Variants in DSCAM observed in about 807,000 individuals in gnomAD.
DSCAM encodes the protein cell adhesion molecule DSCAM.
Under a neutral mutation model 217.7 loss-of-function variants are expected in DSCAM, and 47 were observed. That is an observed-to-expected ratio of 0.22 (90% CI 0.17 to 0.28). The LOEUF is 0.28. Among genes scored for constraint, DSCAM ranks in the 10% least tolerant of loss-of-function variants. The probability of loss-of-function intolerance (pLI) is 1.00; values close to 1 mark genes in which losing one functional copy is unlikely to be tolerated. For missense variants in DSCAM, 2,080 were observed against 2,618.3 expected, an observed-to-expected ratio of 0.79 and a Z score of 4.49; for synonymous variants, 1,056 against 1,015.3, an observed-to-expected ratio of 1.04 and a Z score of -0.76.
chr21:40,369,254 G>A lies in DSCAM; in HGVS notation c.509-9C>T. On this transcript the variant is annotated splice_polypyrimidine_tract_variant and intron_variant, in intron 3 of 32. Coordinates refer to ENST00000400454, the MANE Select transcript of DSCAM (RefSeq NM_001389.5). ...GATGAGAAATCTAGATCCTGAAATAGAGGAAAACAGTGGCTTGGTTAAAAG... is the reference window on the plus strand; with the variant it reads ...GATGAGAAATCTAGATCCTGAAATAAAGGAAAACAGTGGCTTGGTTAAAAG... The A allele has an allele frequency of 1.2e-6, 2 of 1,605,170 alleles. No homozygotes were observed. The highest frequency in any genetic ancestry group is 1.7e-6 in the Non-Finnish European group (2 of 1,176,292).
At chr21:40,064,781 G>T (rs1017923439) in intron 27 of DSCAM, among the ~76,000 whole-genome samples, 1 of 152,162 alleles carries the variant, frequency 6.6e-6, no homozygotes, top group Non-Finnish European at 1.5e-5. Flanking sequence ...CCAGGATGGT[G>T]GTCTGGTGCA....
chr21:40,347,373 A>T (rs1203663076), intron 6 of DSCAM, among the ~76,000 whole-genome samples: 1 of 152,122 alleles, frequency 6.6e-6, no homozygotes, highest in East Asian at 1.9e-4. Flanking sequence ...TAATCAACAA[A>T]ACTGTTAAGT....
chr21:40,122,669 G>A (rs190853003), intron 20 of DSCAM, among the ~76,000 whole-genome samples: 1 of 152,266 alleles, frequency 6.6e-6, no homozygotes, highest in Non-Finnish European at 1.5e-5. Flanking sequence ...ACAGCATATT[G>A]AAAACCACAT....
At chr21:40,542,552 A>G (rs1203277315) in intron 3 of DSCAM, among the ~76,000 whole-genome samples, 2 of 152,212 alleles carry the variant, frequency 1.3e-5, no homozygotes, top group Non-Finnish European at 2.9e-5. Context: ...AAAAGACGCA[A>G]GAGTTAGCTT....
At chr21:40,737,977 G>A (rs2091081531) in intron 1 of DSCAM, among the ~76,000 whole-genome samples, 1 of 152,190 alleles carries the variant, frequency 6.6e-6, no homozygotes, top group African/African-American at 2.4e-5. Context: ...TTTAGTCTGA[G>A]AGGTAGCTCT....
intron 3 of DSCAM, among the ~76,000 whole-genome samples, chr21:40,431,465 C>T (rs942611104): frequency 2.0e-5 from 3 of 151,932 alleles, no homozygotes; most frequent in Non-Finnish European, 2.9e-5. Context: ...TTTATGACTC[C>T]TCAGCCTACT....
rs150384289 is a variant in DSCAM, at chr21:40,249,001, G to C, written c.2356+27096C>G. Among the ~76,000 whole-genome samples the C allele has an allele frequency of 3.4e-3, 520 of 152,166 alleles. 2 individuals are homozygous for C. Among genetic ancestry groups the C allele is most frequent in the African/African-American group, 0.012 (512 of 41,520 alleles). ...TCATGAGACTTATTCACCATCACAC[G>C]AATAGCACAGGAAAGACTGACCCCC... On this transcript the variant is annotated intron_variant, in intron 11 of 32. Transcript: ENST00000400454.
At chr21:40,079,766 AG>A (rs1215203677) in intron 25 of DSCAM, among the ~76,000 whole-genome samples, 1 of 151,918 alleles carries the variant, frequency 6.6e-6, no homozygotes, top group Non-Finnish European at 1.5e-5. Context: ...CCCTCTGAAA[AG>A]CGGTGGCTAT....
At chr21:40,276,963 A>C (rs779993257) in intron 10 of DSCAM, among the ~76,000 whole-genome samples, 102 of 150,984 alleles carry the variant, frequency 6.8e-4, no homozygotes, top group Non-Finnish European at 1.3e-3. Context: ...GGATTTATAT[A>C]CAACTGGGTA....
At chr21:40,059,278 T>C (rs761241209) in intron 28 of DSCAM, among the ~76,000 whole-genome samples, 3 of 152,236 alleles carry the variant, frequency 2.0e-5, no homozygotes, top group Non-Finnish European at 2.9e-5. Context: ...TCCTGGACCT[T>C]AAACATTATA....
chr21:40,643,117 A>G (rs562987010), intron 3 of DSCAM, among the ~76,000 whole-genome samples: 229 of 152,254 alleles, frequency 1.5e-3, no homozygotes, highest in African/African-American at 5.2e-3. Context: ...AGAGATTAAT[A>G]TGATAAAATT....
intron 11 of DSCAM, among the ~76,000 whole-genome samples, chr21:40,262,052 G>GCTTT (rs917648677): frequency 5.3e-5 from 8 of 150,546 alleles, no homozygotes; most frequent in African/African-American, 1.2e-4. Flanking sequence ...TCTCCCTCTC[G>GCTTT]CTTTCTTTCT....
intron 1 of DSCAM, among the ~76,000 whole-genome samples, chr21:40,741,031 G>T (rs756361986): frequency 3.3e-5 from 5 of 152,172 alleles, no homozygotes; most frequent in African/African-American, 1.2e-4. Context: ...TTTAGTGGGG[G>T]CATAGGAATA....
At chr21:40,214,554 G>T (rs1052003093) in intron 11 of DSCAM, among the ~76,000 whole-genome samples, 7 of 152,060 alleles carry the variant, frequency 4.6e-5, no homozygotes, top group Non-Finnish European at 8.8e-5. Context: ...ACCGTAAACA[G>T]CTTTGAAAGA....
chr21:40,802,173 T>A (rs371460610), intron 1 of DSCAM, among the ~76,000 whole-genome samples: 1 of 152,180 alleles, frequency 6.6e-6, no homozygotes, highest in Admixed American at 6.5e-5. Flanking sequence ...CACCCCAGTG[T>A]CTCGGAGGCT....
chr21:40,487,292 CGTGTGTGCGTGCGTGT>C (rs372311523), intron 3 of DSCAM, among the ~76,000 whole-genome samples: 19 of 133,240 alleles, frequency 1.4e-4, no homozygotes, highest in African/African-American at 5.4e-4. Flanking sequence ...TGCATGTGTG[CGTGTGTGCGTGCGTGT>C]GTGTGTGTGT....
At chr21:40,568,869 G>A (rs564142027) in intron 3 of DSCAM, among the ~76,000 whole-genome samples, 2 of 152,122 alleles carry the variant, frequency 1.3e-5, no homozygotes, top group East Asian at 1.9e-4. Flanking sequence ...CCTCCTTTCT[G>A]TTACCACGAG....
intron 4 of DSCAM, among the ~76,000 whole-genome samples, chr21:40,365,976 T>G (rs2074828339): frequency 6.6e-6 from 1 of 152,188 alleles, no homozygotes; most frequent in Admixed American, 6.5e-5. Flanking sequence ...TTTATTACAT[T>G]TACTGTTCTT....
chr21:40,069,318 C>T (rs989134217), intron 27 of DSCAM, among the ~76,000 whole-genome samples: 9 of 152,146 alleles, frequency 5.9e-5, no homozygotes, highest in Non-Finnish European at 1.2e-4. Flanking sequence ...AGGAGGCTCC[C>T]AGCTTGGTCT....
Sources: gnomAD v4.1 joint callset for allele counts (sites outside exome capture counted in the v4.1 genomes callset) on GRCh38, gnomAD v4.1.1 for gene constraint, MANE v1.5 for transcripts, NCBI Gene and HGNC (gene_info 2026-07-23, HGNC 2026-07-21) for gene names.